CNTNAP2: variants seen among roughly 807,000 people sequenced by gnomAD.
The protein encoded by CNTNAP2 is contactin-associated protein-like 2.
CNTNAP2 carries 98 observed loss-of-function variants against 155.2 expected under a neutral mutation model. The ratio of observed to expected loss-of-function variants is 0.63; its 90% CI spans 0.54 to 0.75. The LOEUF is 0.75. Among genes scored for constraint, CNTNAP2 ranks in the 30% least tolerant of loss-of-function variants. The pLI is 0.00. For missense variants in CNTNAP2, 1,727 were observed against 1,688.1 expected, an observed-to-expected ratio of 1.02 and a Z score of -0.40; for synonymous variants, 651 against 631.2, an observed-to-expected ratio of 1.03 and a Z score of -0.47.
chr7:147,034,279 G>A (rs116897384), intron 3 of CNTNAP2, among the ~76,000 whole-genome samples: 19 of 152,240 alleles, frequency 1.2e-4, no homozygotes, highest in South Asian at 8.3e-4. Context: ...TGCCGTCTTC[G>A]TTTTAGCTTG....
intron 3 of CNTNAP2, among the ~76,000 whole-genome samples, chr7:147,018,659 A>C (rs1213333636): frequency 1.3e-5 from 2 of 152,186 alleles, no homozygotes; most frequent in South Asian, 2.1e-4. Flanking sequence ...TAAACTTCTA[A>C]ATTAAAAGTC....
At chr7:147,151,777 C>T (rs1801832034) in intron 8 of CNTNAP2, among the ~76,000 whole-genome samples, 1 of 151,896 alleles carries the variant, frequency 6.6e-6, no homozygotes, top group Admixed American at 6.6e-5. Flanking sequence ...AAGGATAGTT[C>T]CTTTTAGGGA....
rs777481825 is a variant in CNTNAP2, at chr7:147,044,042, G to C, written c.538G>C (p.Gly180Arg). Residue 180 changes from glycine (G) to arginine (R), a missense_variant, in exon 4 of 24, where the codon GGC (glycine) becomes CGC (arginine). Physicochemically the swap from Gly to Arg is moderately radical, Grantham distance 125. Coordinates refer to ENST00000361727, the MANE Select transcript of CNTNAP2 (RefSeq NM_014141.6). ...CATTGGACTCAGAATTGAAGTTTAT[G>C]GCTGTTCTTACTGTGAGTATCGTAT... ...GRIGLRIEVY[G>R]CSYWADVINF... 1 of 1,614,096 alleles carries C rather than the reference G, an allele frequency of 6.2e-7. No individual in the cohort carries two copies. The highest frequency in any genetic ancestry group is 8.5e-7 in the Non-Finnish European group (1 of 1,180,008).
intron 10 of CNTNAP2, among the ~76,000 whole-genome samples, chr7:147,425,438 T>G (rs74901990): frequency 2.6e-4 from 39 of 151,818 alleles, no homozygotes; most frequent in African/African-American, 8.7e-4. Flanking sequence ...ATGTAATTAT[T>G]TTTTTTAAAT....
chr7:147,079,589 TATA>T (rs905700592), intron 4 of CNTNAP2, among the ~76,000 whole-genome samples: 21 of 148,996 alleles, frequency 1.4e-4, no homozygotes, highest in South Asian at 2.1e-4. Context: ...AAACTTAAAG[TATA>T]ATAATAATAA....
At chr7:147,431,853 A>G (rs1297064098) in intron 10 of CNTNAP2, among the ~76,000 whole-genome samples, 1 of 152,144 alleles carries the variant, frequency 6.6e-6, no homozygotes, top group Non-Finnish European at 1.5e-5. Flanking sequence ...TGGCAATTAG[A>G]AGTTCCTGAA....
At chr7:147,664,596 G>A (rs1412561931) in intron 13 of CNTNAP2, among the ~76,000 whole-genome samples, 1 of 152,166 alleles carries the variant, frequency 6.6e-6, no homozygotes, top group African/African-American at 2.4e-5. Context: ...ATTCGGAGAT[G>A]TTATTGTTGT....
chr7:146,806,064 A>G (rs530242268), intron 2 of CNTNAP2, among the ~76,000 whole-genome samples: 3 of 152,308 alleles, frequency 2.0e-5, no homozygotes, highest in Non-Finnish European at 4.4e-5. Context: ...TTGCTGCTCC[A>G]TGATAGTACA....
At chr7:147,893,474 T>C (rs915985053) in intron 13 of CNTNAP2, among the ~76,000 whole-genome samples, 2 of 152,202 alleles carry the variant, frequency 1.3e-5, no homozygotes, top group African/African-American at 4.8e-5. Flanking sequence ...TGTTTCTTTA[T>C]AGATGTTCCC....
At chr7:147,389,812 T>C (rs1399654104) in intron 9 of CNTNAP2, among the ~76,000 whole-genome samples, 3 of 152,238 alleles carry the variant, frequency 2.0e-5, no homozygotes, top group African/African-American at 7.2e-5. Flanking sequence ...CATTGTATTT[T>C]TTATTCCAAA....
intron 14 of CNTNAP2, among the ~76,000 whole-genome samples, chr7:147,904,463 C>T (rs1193567295): frequency 6.6e-6 from 1 of 152,188 alleles, no homozygotes; most frequent in African/African-American, 2.4e-5. Flanking sequence ...TGCAGAAGCA[C>T]ATATCCAGTG....
At chr7:146,945,837 C>T (rs1019507304) in intron 3 of CNTNAP2, among the ~76,000 whole-genome samples, 1 of 152,044 alleles carries the variant, frequency 6.6e-6, no homozygotes, top group Non-Finnish European at 1.5e-5. Flanking sequence ...TCCAAAGCCC[C>T]CACCATCTCC....
chr7:146,943,083 C>T (rs188121287), intron 3 of CNTNAP2, among the ~76,000 whole-genome samples: 7 of 152,174 alleles, frequency 4.6e-5, no homozygotes, highest in African/African-American at 1.7e-4. Flanking sequence ...AGTCAAATAC[C>T]CATATATAAT....
chr7:147,732,582 T>C (rs1796761896), intron 13 of CNTNAP2, among the ~76,000 whole-genome samples: 1 of 152,198 alleles, frequency 6.6e-6, no homozygotes. Context: ...AAATGGTATT[T>C]CTAGTTCTAG....
intron 12 of CNTNAP2, among the ~76,000 whole-genome samples, chr7:147,592,973 C>CAAAG (rs1209731149): frequency 1.3e-5 from 2 of 152,194 alleles, no homozygotes; most frequent in Non-Finnish European, 2.9e-5. Context: ...GGATGCGAGG[C>CAAAG]AAAGACTTGA....
At chr7:148,029,973 A>G (rs1353949202) in intron 15 of CNTNAP2, among the ~76,000 whole-genome samples, 2 of 152,340 alleles carry the variant, frequency 1.3e-5, no homozygotes, top group East Asian at 1.9e-4. Flanking sequence ...CCTAGAATCA[A>G]TGTCTTCTTA....
intron 18 of CNTNAP2, 115 bp downstream of exon 18, chr7:148,172,593 C>A: frequency 2.1e-6 from 2 of 971,866 alleles, no homozygotes; most frequent in South Asian, 1.3e-5. Context: ...TTAAGATGAT[C>A]AGAATTTTTC....
chr7:147,254,606 A>C (rs77162789), intron 8 of CNTNAP2, among the ~76,000 whole-genome samples: 1 of 152,166 alleles, frequency 6.6e-6, no homozygotes, highest in Non-Finnish European at 1.5e-5. Context: ...TAATATAACC[A>C]TATGGTTTTT....
At chr7:147,893,083 G>A (rs1799719583) in intron 13 of CNTNAP2, among the ~76,000 whole-genome samples, 1 of 152,104 alleles carries the variant, frequency 6.6e-6, no homozygotes, top group African/African-American at 2.4e-5. Flanking sequence ...TTCTTTGTTT[G>A]GCTTATATAT....
Sources: allele counts gnomAD v4.1 joint callset (sites outside exome capture counted in the v4.1 genomes callset), GRCh38; gene constraint gnomAD v4.1.1; transcripts MANE v1.5; gene names NCBI Gene and HGNC (gene_info 2026-07-23, HGNC 2026-07-21).